Variants in FANK1 observed in about 807,000 individuals in gnomAD.
FANK1 encodes fibronectin type 3 and ankyrin repeat domains protein 1.
In FANK1, 44 loss-of-function variants were observed where a neutral mutation model predicts 45.3. The observed-to-expected ratio is 0.97, with a 90% CI of 0.76 to 1.25. The LOEUF (loss-of-function observed/expected upper bound fraction) is 1.25. Ranked by LOEUF, FANK1 falls within the 50% of genes most tolerant of loss-of-function variation. The pLI, the probability that FANK1 is intolerant of heterozygous loss-of-function variation, is 0.00. For missense variants in FANK1, 391 were observed against 424.4 expected (o/e 0.92, Z 0.69); for synonymous variants, 149 against 152.5 (o/e 0.98, Z 0.17).
In FANK1 at chr10:125,913,616, G is replaced by C. The variant is rs191679568; in HGVS notation, c.13+16961G>C. ...TTTGAGTTAATTTTACATAAACCTGGGTTAATTTACAAAATTTTGGCACCA... is the reference window on the plus strand; with the variant it reads ...TTTGAGTTAATTTTACATAAACCTGCGTTAATTTACAAAATTTTGGCACCA... On this transcript the variant is annotated intron_variant, in intron 1 of 10. Transcript: ENST00000368693. Among the ~76,000 whole-genome samples the C allele has an allele frequency of 3.4e-3, 521 of 152,176 alleles. 2 individuals carry two copies. The highest frequency in any genetic ancestry group is 0.012 in the African/African-American group (506 of 41,492).
intron 1 of FANK1, among the ~76,000 whole-genome samples, chr10:125,897,423 T>A: frequency 6.6e-6 from 1 of 152,310 alleles, no homozygotes; most frequent in Non-Finnish European, 1.5e-5. Context: ...TTGTTCCTTT[T>A]GTTCTCAAAA....
Position 126,009,527 on chromosome 10 carries a change from G to A in FANK1, c.*89G>A, listed in dbSNP as rs73372548. 9.6e-4 allele frequency: 1,313 copies of A among 1,368,650 alleles called. 12 individuals carry two copies. The African/African-American group carries it at 0.016, about 17-fold the overall frequency. The allele number at this position is 1,368,650 out of a possible 1,614,324, so 84.8% of individuals were successfully genotyped here. On this transcript the variant is annotated 3_prime_UTR_variant, in exon 11 of 11. Coordinates refer to ENST00000368693, the MANE Select transcript of FANK1 (RefSeq NM_145235.5). ...GATGGGAAATTCTGCATCTTGGGGG[G>A]CTGTACATTTATTTATTTAGTTGAA...
chr10:125,933,634 G>A (rs547195519), intron 1 of FANK1, among the ~76,000 whole-genome samples: 2 of 151,950 alleles, frequency 1.3e-5, no homozygotes, highest in Non-Finnish European at 2.9e-5. Context: ...ATTTCATTTA[G>A]TTCTGCTCGG....
At chr10:125,900,633 T>G (rs10751535) in intron 1 of FANK1, among the ~76,000 whole-genome samples, 61,760 of 151,968 alleles carry the variant, frequency 0.41, 12,794 homozygotes, top group Non-Finnish European at 0.44. Flanking sequence ...TTCTGTTTTT[T>G]TTTGTTTGTT....
chr10:125,902,450 T>C (rs1945121211), intron 1 of FANK1, among the ~76,000 whole-genome samples: 1 of 152,032 alleles, frequency 6.6e-6, no homozygotes, highest in African/African-American at 2.4e-5. Flanking sequence ...TCCTTAAGAG[T>C]GTTGTGGTGT....
At chr10:125,944,520 C>T (rs369495431) in intron 1 of FANK1, among the ~76,000 whole-genome samples, 94 of 152,228 alleles carry the variant, frequency 6.2e-4, no homozygotes, top group African/African-American at 1.9e-3. Flanking sequence ...CAAAATCTGG[C>T]GATAAACCAG....
intron 1 of FANK1, among the ~76,000 whole-genome samples, chr10:125,911,544 A>AAATTCATTCT (rs1358758852): frequency 1.3e-5 from 2 of 152,256 alleles, no homozygotes. Flanking sequence ...CATTTGGGCA[A>AAATTCATTCT]GTATATCTGC....
rs373550249 is a variant in FANK1, at chr10:125,897,998, C to CAAAAAAAAAA, written c.13+1370_13+1379dup. Among the ~76,000 whole-genome samples the CAAAAAAAAAA allele has an allele frequency of 2.4e-4, 4 of 16,796 alleles. 1 individual carries two copies. The highest frequency in any genetic ancestry group is 7.2e-4 in the African/African-American group (3 of 4,138). 11.0% of individuals were successfully genotyped at this position (16,796 alleles called of 152,430 possible). ...AGTGAAACCCATCTCTACTAAAATACAAAAAAAAAAAAAAAAAAAAAAAAA... is the reference window on the plus strand; with the variant it reads ...AGTGAAACCCATCTCTACTAAAATACAAAAAAAAAAAAAAAAAAAAAAAAAAAAAAAAAAA... On this transcript the variant is annotated intron_variant, in intron 1 of 10. Coordinates refer to ENST00000368693, the MANE Select transcript of FANK1 (RefSeq NM_145235.5).
chr10:125,949,211 C>G (rs555828526), intron 1 of FANK1, among the ~76,000 whole-genome samples: 3,537 of 149,010 alleles, frequency 0.024, 168 homozygotes, highest in African/African-American at 0.084. Context: ...ACTGGCACAA[C>G]ACAGGGATGC....
intron 1 of FANK1, among the ~76,000 whole-genome samples, chr10:125,910,762 C>T (rs1222609354): frequency 1.2e-4 from 19 of 152,282 alleles, no homozygotes; most frequent in Non-Finnish European, 2.6e-4. Flanking sequence ...AGGCTGGGTG[C>T]GGTGGCTCAC....
chr10:125,978,532 G>A (rs1243449496), intron 1 of FANK1, among the ~76,000 whole-genome samples: 2 of 152,100 alleles, frequency 1.3e-5, no homozygotes, highest in Non-Finnish European at 2.9e-5. Context: ...GGTGGCTAGA[G>A]GCCCCAGTTG....
rs146267169 is a variant in FANK1 at position 125,938,828 on chromosome 10, C to T, written c.14-41333C>T. 3.1e-3 allele frequency among the ~76,000 whole-genome samples: 474 copies of T among 152,084 alleles called. 3 individuals carry two copies. The highest frequency in any genetic ancestry group is 0.011 in the African/African-American group (436 of 41,470). Reference sequence around the variant, plus strand: ...TCTCAAAAAACAAACACCCCCCTGCCAAAACTCTAGGGAGTGGTAAAAGTA... The same window carrying T: ...TCTCAAAAAACAAACACCCCCCTGCTAAAACTCTAGGGAGTGGTAAAAGTA... On this transcript the variant is annotated intron_variant, in intron 1 of 10. Coordinates refer to ENST00000368693, the MANE Select transcript of FANK1 (RefSeq NM_145235.5).
At chr10:125,997,759 C>T (rs1040638276) in intron 6 of FANK1, among the ~76,000 whole-genome samples, 9 of 152,198 alleles carry the variant, frequency 5.9e-5, no homozygotes, top group East Asian at 1.9e-4. Context: ...ACGCAGTGCA[C>T]GGGAAATGGC....
intron 1 of FANK1, among the ~76,000 whole-genome samples, chr10:125,952,571 G>A (rs1211242755): frequency 6.6e-6 from 1 of 152,088 alleles, no homozygotes; most frequent in Non-Finnish European, 1.5e-5. Context: ...GGACACCAAA[G>A]CACTTCTCTG....
intron 2 of FANK1, among the ~76,000 whole-genome samples, chr10:125,986,995 T>A (rs573848760): frequency 6.6e-6 from 1 of 152,214 alleles, no homozygotes; most frequent in African/African-American, 2.4e-5. Flanking sequence ...GGCTGTTTGA[T>A]GATTAGGTGA....
intron 1 of FANK1, among the ~76,000 whole-genome samples, chr10:125,906,749 C>T (rs1945558223): frequency 6.6e-6 from 1 of 152,114 alleles, no homozygotes; most frequent in Non-Finnish European, 1.5e-5. Flanking sequence ...AGATTGCTTC[C>T]TTTTCCTACT....
chr10:126,006,859 CAAATAAAT>C (rs560475545), intron 7 of FANK1, among the ~76,000 whole-genome samples: 1 of 152,198 alleles, frequency 6.6e-6, no homozygotes, highest in African/African-American at 2.4e-5. Context: ...GACTCCATCT[CAAATAAAT>C]AAATCATTCA....
At chr10:125,991,518 A>G (rs1438452708) in intron 3 of FANK1, among the ~76,000 whole-genome samples, 1 of 152,184 alleles carries the variant, frequency 6.6e-6, no homozygotes, top group Non-Finnish European at 1.5e-5. Context: ...TGCTAAACAA[A>G]GAACTAAGAA....
At chr10:125,899,704 G>A (rs1437653411) in intron 1 of FANK1, among the ~76,000 whole-genome samples, 3 of 152,164 alleles carry the variant, frequency 2.0e-5, no homozygotes, top group South Asian at 2.1e-4. Context: ...CACTACAGAC[G>A]TGGCATCAAG....
Sources: gnomAD v4.1 joint callset for allele counts (sites outside exome capture counted in the v4.1 genomes callset) on GRCh38, gnomAD v4.1.1 for gene constraint, MANE v1.5 for transcripts, NCBI Gene and HGNC (gene_info 2026-07-23, HGNC 2026-07-21) for gene names.